RSPH14: variants seen among roughly 807,000 people sequenced by gnomAD.
RSPH14 encodes rhabdoid tumor deletion region gene 1.
RSPH14 carries 20 observed loss-of-function variants against 26.7 expected under a neutral mutation model. That is an observed-to-expected ratio of 0.75 (90% CI 0.53 to 1.09). RSPH14 has a LOEUF of 1.09. Ranked by LOEUF, RSPH14 falls within the 50% of genes least tolerant of loss-of-function variation. RSPH14 has a pLI of 0.00. For synonymous variants in RSPH14, 177 were observed against 189.3 expected (o/e 0.93, Z 0.53); for missense variants, 449 against 457.2 (o/e 0.98, Z 0.16).
chr22:23,107,311 G>C (rs902093156), intron 4 of RSPH14, among the ~76,000 whole-genome samples: 1 of 152,188 alleles, frequency 6.6e-6, no homozygotes, highest in Non-Finnish European at 1.5e-5. Context: ...GGACCTACAG[G>C]CCTGAGTACT....
At chr22:23,085,967 G>A (rs900065090) in intron 4 of RSPH14, among the ~76,000 whole-genome samples, 4 of 152,216 alleles carry the variant, frequency 2.6e-5, no homozygotes, top group Non-Finnish European at 4.4e-5. Flanking sequence ...GCTAATCCCC[G>A]CTGTTTAAGC....
At chr22:23,178,486 C>G in the RSPH14 span, among the ~76,000 whole-genome samples, 3 of 152,124 alleles carry the variant, frequency 2.0e-5, no homozygotes, top group Admixed American at 1.3e-4. Context: ...ATTCCAGCCC[C>G]TTTAGTGGCC....
chr22:23,109,392 AGCT>A (rs1313899974), intron 4 of RSPH14, among the ~76,000 whole-genome samples: 1 of 152,170 alleles, frequency 6.6e-6, no homozygotes, highest in Non-Finnish European at 1.5e-5. Context: ...TTAAGGGATC[AGCT>A]GCTGCTCCTC....
chr22:23,152,572 G>GTTGTCA, the RSPH14 span: 1 of 1,579,480 alleles, frequency 6.3e-7, no homozygotes, highest in Non-Finnish European at 8.7e-7. Context: ...CCAGCACCAG[G>GTTGTCA]TTGTCATACC....
At chr22:23,077,470 G>A (rs1041749788) in intron 4 of RSPH14, among the ~76,000 whole-genome samples, 43 of 152,322 alleles carry the variant, frequency 2.8e-4, no homozygotes, top group African/African-American at 1.0e-3. Flanking sequence ...CCTCTTGGAT[G>A]TACACCTGAT....
chr22:23,075,319 G>A lies in RSPH14; in HGVS notation c.422-11186C>T, dbSNP rs552112747. On this transcript the variant is annotated intron_variant, in intron 4 of 6. Transcript: ENST00000216036. ...CACCATGGCCCAGGGAACCCAAAGT[G>A]AAAACTGCAGCAGGCAATTGCCTGC... Among the ~76,000 whole-genome samples the A allele has an allele frequency of 2.0e-5, 3 of 152,274 alleles. No homozygotes were observed. In the East Asian group the frequency reaches 5.8e-4, roughly 29 times the overall value.
chr22:23,073,759 C>G (rs1422945198), intron 4 of RSPH14, among the ~76,000 whole-genome samples: 2 of 152,232 alleles, frequency 1.3e-5, no homozygotes, highest in African/African-American at 2.4e-5. Context: ...GTTCAGCTAA[C>G]ATTTACCAGC....
At chr22:23,156,811 C>G in the RSPH14 span, among the ~76,000 whole-genome samples, 1 of 152,328 alleles carries the variant, frequency 6.6e-6, no homozygotes, top group Admixed American at 6.5e-5. Context: ...TTCGCCTCTT[C>G]GGGCCTCTCC....
At chr22:23,103,012 G>A (rs548386777) in intron 4 of RSPH14, among the ~76,000 whole-genome samples, 2 of 152,202 alleles carry the variant, frequency 1.3e-5, no homozygotes, top group Non-Finnish European at 1.5e-5. Context: ...AGGGAGGAGA[G>A]AACAAGAGAG....
At chr22:23,161,723 G>A in the RSPH14 span, 1 of 640,174 alleles carries the variant, frequency 1.6e-6, no homozygotes, top group Admixed American at 2.9e-5. Context: ...CTCAGCTCCA[G>A]GGCACAGTCA....
At chr22:23,180,461 G>T in the RSPH14 span, 2 of 168,734 alleles carry the variant, frequency 1.2e-5, no homozygotes, top group Non-Finnish European at 2.6e-5. Flanking sequence ...GCCTGGCTCC[G>T]TCATCCGCGC....
intron 3 of RSPH14, chr22:23,136,055 G>A (rs959587494): frequency 5.3e-6 from 2 of 378,850 alleles, no homozygotes; most frequent in African/African-American, 4.2e-5. Context: ...GAAAAAGAAA[G>A]TCACCGTTGG....
At chr22:23,153,501 T>G in the RSPH14 span, 58 of 927,400 alleles carry the variant, frequency 6.3e-5, no homozygotes, top group South Asian at 9.9e-5. Flanking sequence ...AGGTTGCTGC[T>G]GAGCTCTGAG....
At chr22:23,130,069 AAGAAAGAAAGAAAGGAAGAAAG>A (rs1481450483) in intron 4 of RSPH14, among the ~76,000 whole-genome samples, 1 of 31,786 alleles carries the variant, frequency 3.1e-5, no homozygotes, top group African/African-American at 1.8e-4. Context: ...AAAAGAAAGA[AAGAAAGAAAGAAAGGAAGAAAG>A]AAAGAAAGAA....
intron 4 of RSPH14, among the ~76,000 whole-genome samples, chr22:23,122,857 G>A (rs1229720962): frequency 6.6e-6 from 1 of 152,234 alleles, no homozygotes; most frequent in Non-Finnish European, 1.5e-5. Flanking sequence ...AAAGGGGCAA[G>A]AGAACATCTT....
At chr22:23,149,977 G>A (rs1954431892), upstream of RSPH14, 2 of 1,072,354 alleles carry the variant, frequency 1.9e-6, no homozygotes, top group Non-Finnish European at 2.8e-6. Flanking sequence ...GGAAGGCTGG[G>A]AAGATCATCT....
chr22:23,118,730 A>AG (rs138516452), intron 4 of RSPH14, among the ~76,000 whole-genome samples: 1,658 of 152,316 alleles, frequency 0.011, 16 homozygotes, highest in Non-Finnish European at 0.02. Context: ...CTGCAGGACA[A>AG]GGGGGTGATG....
At chr22:23,096,449 G>T (rs1601793927) in intron 4 of RSPH14, 2 of 1,570,732 alleles carry the variant, frequency 1.3e-6, no homozygotes, top group Non-Finnish European at 1.7e-6. Context: ...TCCTCTGCTT[G>T]TTCCTGCTGT....
intron 5 of RSPH14, 50 bp from the exon 6 acceptor site, chr22:23,061,995 G>A: frequency 1.2e-6 from 2 of 1,609,380 alleles, no homozygotes; most frequent in Non-Finnish European, 1.7e-6. Context: ...GGGAGAAGAG[G>A]CGCAAGGCCC....
Sources: allele counts gnomAD v4.1 joint callset (sites outside exome capture counted in the v4.1 genomes callset), GRCh38; gene constraint gnomAD v4.1.1; transcripts MANE v1.5; gene names NCBI Gene and HGNC (gene_info 2026-07-23, HGNC 2026-07-21).